AASS: variants seen among roughly 807,000 people sequenced by gnomAD.
AASS encodes aminoadipate-semialdehyde synthase, also known as alpha-aminoadipic semialdehyde synthase, mitochondrial.
A neutral mutation model predicts 105.4 loss-of-function variants in AASS; 86 were observed. That is an observed-to-expected ratio of 0.82 (90% CI 0.69 to 0.98). The LOEUF (loss-of-function observed/expected upper bound fraction) is 0.98, where lower values mean the gene tolerates loss of function less well. AASS is among the 50% of genes least tolerant of loss of function. The pLI, the probability that AASS is intolerant of heterozygous loss-of-function variation, is 0.00. For synonymous variants in AASS, 381 were observed against 394.8 expected (o/e 0.96, Z 0.41); for missense variants, 1,048 against 1,143.2 (o/e 0.92, Z 1.20).
Position 122,116,616 on chromosome 7 carries a change from G to A in AASS, c.894+17C>T, listed in dbSNP as rs17532544. 9,665 of 1,613,818 alleles carry A rather than the reference G, an allele frequency of 6.0e-3. 39 individuals carry two copies. Among genetic ancestry groups the A allele is most frequent in the Non-Finnish European group, 7.3e-3 (8,568 of 1,179,892 alleles). On this transcript the variant is annotated intron_variant, in intron 8 of 23. Transcript: ENST00000417368. Reference sequence around the variant, plus strand: ...GTATCATAAGCAACCAACTTAAAAGGTGAATATGATACTCACATCAGTATT... The same window carrying A: ...GTATCATAAGCAACCAACTTAAAAGATGAATATGATACTCACATCAGTATT...
At position 122,093,127 on chromosome 7, in the gene AASS, C is replaced by G. The variant is rs1793985780; in HGVS notation, c.1687G>C (p.Ala563Pro). Residue 563 changes from alanine (A) to proline (P), a missense_variant, in exon 16 of 24, where the codon GCC becomes CCC. Physicochemically the swap from Ala to Pro is conservative, Grantham distance 27. Transcript: ENST00000417368. ...LLPYVLHPLV[A>P]KACITNKVNM... The stretch of plus-strand genomic sequence containing the variant: ...ACTTTGTTTGTGATGCAGGCCTTGG[C>G]CACAAGAGGGTGCAATACATAAGGC... 7.4e-6 allele frequency: 12 copies of G among 1,613,854 alleles called. No homozygotes were observed. The highest frequency in any genetic ancestry group is 9.3e-6 in the Non-Finnish European group (11 of 1,179,830).
chr7:122,129,593 T>C (rs1795814852), intron 2 of AASS, 56 bp from the exon 3 acceptor site: 1 of 1,544,824 alleles, frequency 6.5e-7, no homozygotes, highest in Non-Finnish European at 8.9e-7. Flanking sequence ...ATCCATGTTT[T>C]CTTGAGCAAA....
In AASS at chr7:122,076,553, G is replaced by C. The variant is rs1793021957; in HGVS notation, c.2717C>G (p.Pro906Arg). ...TTCTGCTTTAATTCGCTCCAATATT[G>C]GTCCATAGATCTCCTTTGAAAAGGG... The part of the protein sequence containing the change: ...MGPFSKEIYG[P>R]ILERIKAEGI... Residue 906 changes from proline (P) to arginine (R), a missense_variant, in exon 24 of 24, where the codon CCA (proline) becomes CGA (arginine). Transcript: ENST00000417368. 1 of 1,613,650 alleles carries C rather than the reference G, an allele frequency of 6.2e-7. No individual in the cohort carries two copies. The highest frequency in any genetic ancestry group is 8.5e-7 in the Non-Finnish European group (1 of 1,179,794).
At position 122,093,150 on chromosome 7, in the gene AASS, G is replaced by C; in HGVS notation, c.1664C>G (p.Pro555Arg). 1 of 1,613,098 alleles carries C rather than the reference G, an allele frequency of 6.2e-7. No homozygotes were observed. The highest frequency in any genetic ancestry group is 8.5e-7 in the Non-Finnish European group (1 of 1,179,158). The change falls in exon 16 of 24, where the codon CCT (proline) becomes CGT (arginine). Residue 555 changes from proline (P) to arginine (R), a missense_variant. Transcript: ENST00000417368. Reference protein sequence around the residue: ...AKQDLVISLLPYVLHPLVAKA... With the variant: ...AKQDLVISLLRYVLHPLVAKA... ...GGCCACAAGAGGGTGCAATACATAA[G>C]GCAACAAGCTTGAAAACAGGAAGAA...
chr7:122,083,369 A>G (rs2150510090), intron 19 of AASS, among the ~76,000 whole-genome samples: 1 of 152,266 alleles, frequency 6.6e-6, no homozygotes, highest in Middle Eastern at 3.4e-3. Context: ...TTTCTGAGCT[A>G]TTTATTAATC....
At chr7:122,101,807 C>A in intron 11 of AASS, 127 bp from the exon 12 acceptor site, 1 of 757,510 alleles carries the variant, frequency 1.3e-6, no homozygotes, top group South Asian at 1.6e-5. Flanking sequence ...CTGAGGATCA[C>A]CGAGTATAAG....
intron 21 of AASS, 34 bp downstream of exon 21, chr7:122,079,563 A>G (rs935711013): frequency 1.4e-6 from 2 of 1,438,138 alleles, no homozygotes; most frequent in African/African-American, 2.8e-5. Flanking sequence ...TTGATCCAGT[A>G]TATTTTGCTC....
At chr7:122,077,789 C>T in intron 23 of AASS, 49 bp downstream of exon 23, 1 of 1,609,294 alleles carries the variant, frequency 6.2e-7, no homozygotes, top group Non-Finnish European at 8.5e-7. Context: ...CACCAAATGG[C>T]TTGGAGGTGA....
chr7:122,142,314 C>T (rs1796439275), intron 1 of AASS, among the ~76,000 whole-genome samples: 1 of 152,184 alleles, frequency 6.6e-6, no homozygotes, highest in South Asian at 2.1e-4. Flanking sequence ...AGCCTCCAGG[C>T]TTGCCTACTC....
chr7:122,133,854 A>G, intron 1 of AASS, 113 bp from the exon 2 acceptor site: 9 of 935,008 alleles, frequency 9.6e-6, no homozygotes, highest in East Asian at 7.2e-5. Flanking sequence ...GAAAACAGAC[A>G]CAAGGTAGAG....
chr7:122,084,546 C>T (rs1793526282), intron 19 of AASS, among the ~76,000 whole-genome samples: 1 of 152,002 alleles, frequency 6.6e-6, no homozygotes, highest in African/African-American at 2.4e-5. Flanking sequence ...ATTGCATGAT[C>T]TCACTTACAT....
chr7:122,103,570 C>T (rs1044910807), intron 11 of AASS, among the ~76,000 whole-genome samples: 1 of 151,914 alleles, frequency 6.6e-6, no homozygotes, highest in African/African-American at 2.4e-5. Flanking sequence ...TACCCTGATA[C>T]TACTATGGCA....
At chr7:122,086,274 T>TA in intron 18 of AASS, 95 bp from the exon 19 acceptor site, 1 of 1,243,366 alleles carries the variant, frequency 8.0e-7, no homozygotes, top group Non-Finnish European at 1.1e-6. Flanking sequence ...AACAGAAATT[T>TA]GAAAAAAAAA....
chr7:122,120,596 C>T (rs1223186250), intron 4 of AASS, among the ~76,000 whole-genome samples: 3 of 151,720 alleles, frequency 2.0e-5, no homozygotes, highest in African/African-American at 4.8e-5. Flanking sequence ...TTTCTACTTG[C>T]GTTTGATTTA....
chr7:122,097,014 GGTCATTA>G (rs1292699432), intron 15 of AASS, among the ~76,000 whole-genome samples: 1 of 151,904 alleles, frequency 6.6e-6, no homozygotes, highest in Admixed American at 6.6e-5. Context: ...AGGTTCAGTT[GGTCATTA>G]GTCAATTTTT....
In AASS at chr7:122,094,748, C is replaced by T. The variant is rs763078218; in HGVS notation, c.1656-1590G>A. Among the ~76,000 whole-genome samples the T allele has an allele frequency of 5.9e-5, 9 of 152,086 alleles. No homozygotes were observed. The South Asian group carries it at 1.9e-3, about 32-fold the overall frequency. On this transcript the variant is annotated intron_variant, in intron 15 of 23. Coordinates refer to ENST00000417368, the MANE Select transcript of AASS (RefSeq NM_005763.4). ...AGTTGAGCTTTGAGTACAGCATCAT[C>T]TGTTGTTCACCCTGTGGATTTTTAG...
At chr7:122,088,985 A>C (rs1793768628) in intron 18 of AASS, among the ~76,000 whole-genome samples, 1 of 152,092 alleles carries the variant, frequency 6.6e-6, no homozygotes, top group Non-Finnish European at 1.5e-5. Flanking sequence ...TACTACAAAG[A>C]TGTAAGACAA....
Position 122,079,720 on chromosome 7 carries a change from G to A in AASS, c.2281-8C>T. On this transcript the variant is annotated splice_polypyrimidine_tract_variant and splice_region_variant and intron_variant, in intron 20 of 23. Coordinates refer to ENST00000417368, the MANE Select transcript of AASS (RefSeq NM_005763.4). ...GTCACAGAGGAGTTGTTTCTGGTTA[G>A]AAAAAGAAATACAATATTTCTAAGT... is the stretch of plus-strand genomic sequence containing the variant. 1 of 1,595,696 alleles carries A rather than the reference G, an allele frequency of 6.3e-7. No homozygotes were observed. Among genetic ancestry groups the A allele is most frequent in the Non-Finnish European group, 8.6e-7 (1 of 1,163,632 alleles).
intron 11 of AASS, among the ~76,000 whole-genome samples, chr7:122,111,847 T>C (rs1001512910): frequency 6.6e-6 from 1 of 152,110 alleles, no homozygotes; most frequent in African/African-American, 2.4e-5. Flanking sequence ...GAGGTTGCAG[T>C]GAGCCGCAAT....
Sources: allele counts gnomAD v4.1 joint callset (sites outside exome capture counted in the v4.1 genomes callset), GRCh38; gene constraint gnomAD v4.1.1; transcripts MANE v1.5; gene names NCBI Gene and HGNC (gene_info 2026-07-23, HGNC 2026-07-21).